Variants in BTBD9 observed in about 807,000 individuals in gnomAD.
BTBD9 encodes BTB/POZ domain-containing protein 9.
Under a neutral mutation model 64.3 loss-of-function variants are expected in BTBD9, and 49 were observed. The observed-to-expected ratio is 0.76, with a 90% CI of 0.61 to 0.97. The LOEUF (loss-of-function observed/expected upper bound fraction) is 0.97, where lower values mean the gene tolerates loss of function less well. BTBD9 is among the 50% of genes least tolerant of loss of function. The pLI is 0.00. For missense variants in BTBD9, 598 were observed against 762.1 expected (o/e 0.78, Z 2.53); for synonymous variants, 260 against 274.7 (o/e 0.95, Z 0.53).
At chr6:38,380,645 C>T (rs1434346028) in intron 6 of BTBD9, among the ~76,000 whole-genome samples, 3 of 152,140 alleles carry the variant, frequency 2.0e-5, no homozygotes, top group Non-Finnish European at 4.4e-5. Context: ...ATCTGGGAAA[C>T]ACAGCAAGAC....
intron 1 of BTBD9, among the ~76,000 whole-genome samples, chr6:38,631,673 G>A (rs908900782): frequency 1.1e-4 from 17 of 152,044 alleles, no homozygotes; most frequent in African/African-American, 1.9e-4. Context: ...GTACCATCTC[G>A]GAAGCAGATC....
chr6:38,391,453 G>T (rs773653488), intron 6 of BTBD9, among the ~76,000 whole-genome samples: 1 of 152,152 alleles, frequency 6.6e-6, no homozygotes. Context: ...GGTCATACCT[G>T]AAGTCAGATC....
intron 5 of BTBD9, among the ~76,000 whole-genome samples, chr6:38,578,832 C>CAA (rs1408181152): frequency 6.6e-6 from 1 of 152,158 alleles, no homozygotes; most frequent in African/African-American, 2.4e-5. Flanking sequence ...CATACTGACA[C>CAA]AAAGTGGCCT....
At chr6:38,247,226 A>G (rs923627079) in intron 9 of BTBD9, among the ~76,000 whole-genome samples, 1 of 151,986 alleles carries the variant, frequency 6.6e-6, no homozygotes, top group African/African-American at 2.4e-5. Context: ...ATCTTGCTAT[A>G]CTTTGGAAGA....
intron 6 of BTBD9, among the ~76,000 whole-genome samples, chr6:38,555,663 A>G (rs1582626598): frequency 6.6e-6 from 1 of 152,228 alleles, no homozygotes; most frequent in East Asian, 1.9e-4. Flanking sequence ...CATCACCAAC[A>G]TTCCTTTAAT....
intron 9 of BTBD9, among the ~76,000 whole-genome samples, chr6:38,226,605 A>G (rs186100784): frequency 2.0e-5 from 3 of 152,344 alleles, no homozygotes; most frequent in East Asian, 3.9e-4. Flanking sequence ...GTAGGCAAGG[A>G]GAAAGGTTAA....
chr6:38,354,131 A>G (rs1294019091), intron 6 of BTBD9, among the ~76,000 whole-genome samples: 2 of 152,200 alleles, frequency 1.3e-5, no homozygotes, highest in African/African-American at 2.4e-5. Context: ...ACCCTGAGAA[A>G]TCAGAACAGG....
intron 7 of BTBD9, among the ~76,000 whole-genome samples, chr6:38,334,904 G>T (rs1490832568): frequency 1.3e-5 from 2 of 152,052 alleles, no homozygotes. Context: ...GATATGGTTT[G>T]GCTTTGTGTC....
intron 6 of BTBD9, among the ~76,000 whole-genome samples, chr6:38,425,006 T>C (rs1768082630): frequency 6.6e-6 from 1 of 151,484 alleles, no homozygotes; most frequent in Non-Finnish European, 1.5e-5. Flanking sequence ...TAATTTTGTA[T>C]TCTTAGTAGA....
chr6:38,621,593 A>AG (rs1318861650), intron 1 of BTBD9, among the ~76,000 whole-genome samples: 27 of 152,234 alleles, frequency 1.8e-4, no homozygotes, highest in African/African-American at 6.0e-4. Flanking sequence ...GAACTGAGAA[A>AG]GAAAAAAAGA....
intron 6 of BTBD9, among the ~76,000 whole-genome samples, chr6:38,496,500 T>C (rs560772424): frequency 6.6e-6 from 1 of 151,444 alleles, no homozygotes; most frequent in Admixed American, 6.6e-5. Flanking sequence ...TTAAATTAAA[T>C]TAGCTGGGCA....
intron 10 of BTBD9, among the ~76,000 whole-genome samples, chr6:38,189,168 T>C (rs954202353): frequency 3.3e-5 from 5 of 152,122 alleles, no homozygotes; most frequent in Non-Finnish European, 7.4e-5. Flanking sequence ...ATCAGGGTGG[T>C]GCTGCACTCT....
At chr6:38,604,034 CCT>C (rs995690491) in intron 1 of BTBD9, among the ~76,000 whole-genome samples, 61 of 152,270 alleles carry the variant, frequency 4.0e-4, no homozygotes, top group Admixed American at 1.3e-3. Context: ...ATACTCTACC[CCT>C]GTCATCCAAA....
chr6:38,320,641 C>A (rs2127575720), intron 7 of BTBD9, among the ~76,000 whole-genome samples: 1 of 152,198 alleles, frequency 6.6e-6, no homozygotes, highest in East Asian at 1.9e-4. Flanking sequence ...TGTTTCTCTA[C>A]CTATAAAGAT....
rs1477029782 is a variant in BTBD9 at position 38,583,886 on chromosome 6, T to C, written c.815-3449A>G. 5.3e-5 allele frequency among the ~76,000 whole-genome samples: 8 copies of C among 152,332 alleles called. No homozygotes were observed. The South Asian group carries it at 6.2e-4, about 12-fold the overall frequency. ...GGATAAAAATATAACTCCAAGAATT[T>C]TTCTGCAAAATCCATAATTAAGTGA... On this transcript the variant is annotated intron_variant, in intron 4 of 10. Coordinates refer to ENST00000481247, the MANE Select transcript of BTBD9 (RefSeq NM_001099272.2).
intron 2 of BTBD9, 124 bp downstream of exon 2, chr6:38,597,786 G>C: frequency 2.6e-6 from 2 of 774,846 alleles, no homozygotes; most frequent in Non-Finnish European, 4.1e-6. Flanking sequence ...AATCTTCATA[G>C]ATATTGAATT....
In BTBD9 at chr6:38,580,227, C is replaced by T. The variant is rs767900333; in HGVS notation, c.1025G>A (p.Arg342Gln). The T allele has an allele frequency of 1.9e-5, 31 of 1,613,376 alleles. No individual in the cohort carries two copies. In the Admixed American group the frequency reaches 4.8e-4, roughly 25 times the overall value. ...CATGCTAATCACTTACCGGCTATCT[C>T]GGTCCCACAAGAGTATCCGTATGTG... ...INHIRILLWDRDSRSYSYFIE... is the reference protein window; with the variant it reads ...INHIRILLWDQDSRSYSYFIE... The change falls in exon 5 of 11, where the codon CGA (arginine) becomes CAA (glutamine). Residue 342 changes from arginine to glutamine, a missense_variant. Physicochemically the swap from Arg to Gln is conservative, Grantham distance 43 (BLOSUM62 1). Coordinates refer to ENST00000481247, the MANE Select transcript of BTBD9 (RefSeq NM_001099272.2).
intron 6 of BTBD9, among the ~76,000 whole-genome samples, chr6:38,433,272 C>A (rs1469782294): frequency 6.6e-6 from 1 of 151,992 alleles, no homozygotes; most frequent in Non-Finnish European, 1.5e-5. Context: ...ACTTTACCTT[C>A]TATGATGATC....
intron 7 of BTBD9, among the ~76,000 whole-genome samples, chr6:38,334,331 G>T (rs1045763463): frequency 6.6e-6 from 1 of 152,208 alleles, no homozygotes; most frequent in Non-Finnish European, 1.5e-5. Context: ...GGAGGCCAAG[G>T]TGGGAGGATC....
Sources: allele counts gnomAD v4.1 joint callset (sites outside exome capture counted in the v4.1 genomes callset), GRCh38; gene constraint gnomAD v4.1.1; transcripts MANE v1.5; gene names NCBI Gene and HGNC (gene_info 2026-07-23, HGNC 2026-07-21).